PLS1: variants seen among roughly 807,000 people sequenced by gnomAD.
PLS1 encodes plastin 1, also known as plastin-1.
A neutral mutation model predicts 73.7 loss-of-function variants in PLS1; 32 were observed. The ratio of observed to expected loss-of-function variants is 0.43; its 90% CI spans 0.33 to 0.58. The LOEUF (loss-of-function observed/expected upper bound fraction) is 0.58. Among genes scored for constraint, PLS1 ranks in the 20% least tolerant of loss-of-function variants. The probability of loss-of-function intolerance (pLI) is 0.04; values close to 1 mark genes in which losing one functional copy is unlikely to be tolerated. For synonymous variants in PLS1, 217 were observed against 261.3 expected (o/e 0.83, Z 1.63); for missense variants, 633 against 740.5 (o/e 0.85, Z 1.68).
At chr3:142,620,319 G>T (rs951966500) in intron 1 of PLS1, among the ~76,000 whole-genome samples, 4 of 151,982 alleles carry the variant, frequency 2.6e-5, no homozygotes, top group African/African-American at 7.2e-5. Flanking sequence ...TACAGACGGG[G>T]TTTCACCATG....
Position 142,684,002 on chromosome 3 carries a change from TCAGG to T in PLS1, c.580-3_580del. The T allele has an allele frequency of 1.9e-6, 3 of 1,591,812 alleles. No homozygotes were observed. Among genetic ancestry groups the T allele is most frequent in the African/African-American group, 2.7e-5 (2 of 73,444 alleles). On this transcript the variant is annotated splice_acceptor_variant and splice_polypyrimidine_tract_variant and coding_sequence_variant and intron_variant, in exon 7 of 16. Transcript: ENST00000457734. LOFTEE classifies it high-confidence loss of function. ...CATGTGTACTTTTTTTTTTGGCAAT[TCAGG>T]AAAATTTAAACCTAGCTCTGAATTC...
At chr3:142,681,732 T>C (rs961617998) in intron 6 of PLS1, among the ~76,000 whole-genome samples, 17 of 152,146 alleles carry the variant, frequency 1.1e-4, no homozygotes, top group African/African-American at 4.1e-4. Flanking sequence ...CTCCATGGGG[T>C]TCTCCTGTTA....
rs559484324 is a variant in PLS1, at chr3:142,624,389, A to G, written c.-37+27880A>G. On this transcript the variant is annotated intron_variant, in intron 1 of 15. Transcript: ENST00000457734. ...AATGGTTTCTGAGGCTGGCCAAAAA[A>G]CTCTATATCTTTACCCTATGCAGCC... is the stretch of plus-strand genomic sequence containing the variant. Among the ~76,000 whole-genome samples the G allele has an allele frequency of 2.0e-5, 3 of 151,860 alleles. No homozygotes were observed. In the South Asian group the frequency reaches 6.2e-4, roughly 32 times the overall value.
rs149450908 is a variant in PLS1 at position 142,609,991 on chromosome 3, C to T, written c.-37+13482C>T. ...TCAAACGATTCTCCTGCCTCAGCCT[C>T]GCGAGTAGCTGGGATTACAGGCACA... On this transcript the variant is annotated intron_variant, in intron 1 of 15. Transcript: ENST00000457734. Among the ~76,000 whole-genome samples, 98 of 152,278 alleles carry T rather than the reference C, an allele frequency of 6.4e-4. 2 individuals carry two copies. In the East Asian group the frequency reaches 0.018, roughly 28 times the overall value.
chr3:142,694,978 G>T (rs992788999), intron 11 of PLS1, among the ~76,000 whole-genome samples: 2 of 151,708 alleles, frequency 1.3e-5, no homozygotes, highest in South Asian at 2.1e-4. Flanking sequence ...TTGAATAATT[G>T]TTATAGCTTA....
intron 1 of PLS1, among the ~76,000 whole-genome samples, chr3:142,599,661 G>A (rs753786537): frequency 1.5e-4 from 23 of 152,150 alleles, no homozygotes; most frequent in Non-Finnish European, 3.2e-4. Context: ...TAGTGGGATA[G>A]CCAGAAGCTC....
intron 1 of PLS1, among the ~76,000 whole-genome samples, chr3:142,648,980 A>AT (rs1412896471): frequency 1.3e-5 from 2 of 152,030 alleles, no homozygotes; most frequent in Non-Finnish European, 2.9e-5. Flanking sequence ...ACATATATAT[A>AT]TTTTTTACTC....
chr3:142,704,609 A>T (rs573929755), intron 14 of PLS1, 23 bp downstream of exon 14: 128 of 1,255,352 alleles, frequency 1.0e-4, no homozygotes, highest in Middle Eastern at 2.3e-4. Flanking sequence ...CCTAAAAAAA[A>T]TTTTTTTTTG....
intron 1 of PLS1, among the ~76,000 whole-genome samples, chr3:142,627,250 T>C (rs1426646053): frequency 6.6e-6 from 1 of 152,184 alleles, no homozygotes; most frequent in Admixed American, 6.5e-5. Context: ...GGGATTTTTT[T>C]TTTAACCACA....
At chr3:142,626,722 G>A (rs2036437962) in intron 1 of PLS1, among the ~76,000 whole-genome samples, 1 of 152,126 alleles carries the variant, frequency 6.6e-6, no homozygotes, top group Non-Finnish European at 1.5e-5. Flanking sequence ...AGAGGTGTGT[G>A]TTCTACTGTT....
At chr3:142,657,195 C>G (rs534506419) in intron 1 of PLS1, 20 of 152,336 alleles carry the variant, frequency 1.3e-4, no homozygotes, top group African/African-American at 4.3e-4. Context: ...GGTTCTGTTG[C>G]ACCTGCCACT....
chr3:142,625,387 T>G (rs1480699482), intron 1 of PLS1, among the ~76,000 whole-genome samples: 1 of 152,128 alleles, frequency 6.6e-6, no homozygotes, highest in Non-Finnish European at 1.5e-5. Context: ...TCTTTCTCTT[T>G]CCTTCCAAAT....
At chr3:142,612,781 T>A (rs1050013218) in intron 1 of PLS1, among the ~76,000 whole-genome samples, 5 of 151,206 alleles carry the variant, frequency 3.3e-5, no homozygotes, top group African/African-American at 1.2e-4. Context: ...TTAATTTTTA[T>A]TTTTTTTTGA....
intron 1 of PLS1, among the ~76,000 whole-genome samples, chr3:142,648,238 T>C (rs1051057648): frequency 1.3e-5 from 2 of 152,050 alleles, no homozygotes; most frequent in African/African-American, 4.8e-5. Context: ...TGTGAGAGAA[T>C]AGAGTTTCTA....
intron 6 of PLS1, 114 bp from the exon 7 acceptor site, chr3:142,683,892 A>G: frequency 2.8e-6 from 2 of 703,152 alleles, no homozygotes; most frequent in Non-Finnish European, 4.6e-6. Context: ...CGTTGTATAA[A>G]TATTATGTTT....
chr3:142,640,385 A>G (rs1304606817), intron 1 of PLS1, among the ~76,000 whole-genome samples: 2 of 152,224 alleles, frequency 1.3e-5, no homozygotes, highest in African/African-American at 4.8e-5. Context: ...TTGAAAAAAG[A>G]TGTCTCTTAT....
chr3:142,704,570 C>T lies in PLS1; in HGVS notation c.1613C>T (p.Ser538Phe). ...QTLKSANKKT[S>F]ISSFKDKSIS... ...CTTAAAAGTGCAAACAAAAAGACTT[C>T]TATTTCCAGCTTCAAGGTAATCAAG... The change falls in exon 14 of 16, where the codon TCT becomes TTT. Residue 538 changes from serine to phenylalanine, a missense_variant. Transcript: ENST00000457734. The T allele has an allele frequency of 6.5e-7, 1 of 1,534,812 alleles. No homozygotes were observed. The highest frequency in any genetic ancestry group is 8.8e-7 in the Non-Finnish European group (1 of 1,138,516).
intron 13 of PLS1, 26 bp from the exon 14 acceptor site, chr3:142,704,437 T>G: frequency 6.3e-7 from 1 of 1,580,110 alleles, no homozygotes; most frequent in Non-Finnish European, 8.6e-7. Flanking sequence ...CTTTTCAGTC[T>G]CAAATATACA....
intron 1 of PLS1, chr3:142,657,202 C>A (rs2037258731): frequency 6.6e-6 from 1 of 152,194 alleles, no homozygotes; most frequent in Non-Finnish European, 1.5e-5. Flanking sequence ...TTGCACCTGC[C>A]ACTCCTAGGG....
Sources: gnomAD v4.1 joint callset for allele counts (sites outside exome capture counted in the v4.1 genomes callset) on GRCh38, gnomAD v4.1.1 for gene constraint, MANE v1.5 for transcripts, NCBI Gene and HGNC (gene_info 2026-07-23, HGNC 2026-07-21) for gene names.